GAL3ST4: variants seen among roughly 807,000 people sequenced by gnomAD.
GAL3ST4 encodes the protein beta-galactose-3-O-sulfotransferase 4.
A neutral mutation model predicts 31.6 loss-of-function variants in GAL3ST4; 30 were observed. The observed-to-expected ratio is 0.95, with a 90% CI of 0.71 to 1.29. The LOEUF (loss-of-function observed/expected upper bound fraction) is 1.29, where lower values mean the gene tolerates loss of function less well. Ranked by LOEUF, GAL3ST4 falls within the 50% of genes most tolerant of loss-of-function variation. The pLI, the probability that GAL3ST4 is intolerant of heterozygous loss-of-function variation, is 0.00. For synonymous variants in GAL3ST4, 248 were observed against 256.9 expected, an observed-to-expected ratio of 0.97 and a Z score of 0.33; for missense variants, 629 against 625.2, an observed-to-expected ratio of 1.01 and a Z score of -0.06.
intron 3 of GAL3ST4, among the ~76,000 whole-genome samples, chr7:100,166,203 G>A (rs1012221672): frequency 2.0e-5 from 3 of 152,198 alleles, no homozygotes; most frequent in Non-Finnish European, 4.4e-5. Context: ...AGGGGCACCT[G>A]GAGGGAGAGT....
At chr7:100,165,246 C>A (rs1043401650) in intron 3 of GAL3ST4, among the ~76,000 whole-genome samples, 2 of 152,108 alleles carry the variant, frequency 1.3e-5, no homozygotes, top group African/African-American at 4.8e-5. Context: ...TCTCGGCTCA[C>A]TGCAACCTCT....
chr7:100,160,191 G>T lies in GAL3ST4; in HGVS notation c.1198C>A (p.Arg400=). 2 of 1,614,098 alleles carry T rather than the reference G, an allele frequency of 1.2e-6. No homozygotes were observed. The highest frequency in any genetic ancestry group is 8.5e-7 in the Non-Finnish European group (1 of 1,180,010). Residue 400 remains arginine, a synonymous_variant, in exon 4 of 4, where the codon CGA becomes AGA. Coordinates refer to ENST00000360039, the MANE Select transcript of GAL3ST4 (RefSeq NM_024637.5). ...AGACAATGTTTCGCTAGGGCCTCTC[G>T]GCGAGCCCGGAGCTCGGCCACAGCT... ...QTAVAELRAR[R]EALAKHCLVG...
chr7:100,163,962 C>A (rs75700863), intron 3 of GAL3ST4, among the ~76,000 whole-genome samples: 6,792 of 152,276 alleles, frequency 0.045, 143 homozygotes, highest in Middle Eastern at 0.071. Flanking sequence ...GGTCTCAGAG[C>A]CATCATTCCT....
chr7:100,161,808 T>C (rs1174113308), intron 3 of GAL3ST4, among the ~76,000 whole-genome samples: 1 of 152,078 alleles, frequency 6.6e-6, no homozygotes, highest in African/African-American at 2.4e-5. Flanking sequence ...CTGGAAGCCA[T>C]CATCATGCTC....
rs764519681 is a variant in GAL3ST4, at chr7:100,160,406, A to C, written c.983T>G (p.Phe328Cys). 7 of 1,613,942 alleles carry C rather than the reference A, an allele frequency of 4.3e-6. No homozygotes were observed. In the East Asian group the frequency reaches 1.6e-4, roughly 36 times the overall value. The change falls in exon 4 of 4, where the codon TTC (phenylalanine) becomes TGC (cysteine). Residue 328 changes from phenylalanine (F) to cysteine (C), a missense_variant. Coordinates refer to ENST00000360039, the MANE Select transcript of GAL3ST4 (RefSeq NM_024637.5). ...LCWGLDDVVG[F>C]MHNAQAGHKQ... is the part of the protein sequence containing the mutation. ...ATGTCCAGCCTGGGCATTGTGCATG[A>C]AGCCCACCACGTCATCTAGACCCCA...
At chr7:100,165,853 A>T (rs1235173755) in intron 3 of GAL3ST4, among the ~76,000 whole-genome samples, 1 of 151,536 alleles carries the variant, frequency 6.6e-6, no homozygotes, top group Non-Finnish European at 1.5e-5. Context: ...ACACACACAC[A>T]CACACAGGCT....
chr7:100,161,853 T>C (rs1485660062), intron 3 of GAL3ST4, among the ~76,000 whole-genome samples: 1 of 151,458 alleles, frequency 6.6e-6, no homozygotes, highest in Non-Finnish European at 1.5e-5. Flanking sequence ...CTAACAAAAC[T>C]AACACAGGAA....
Position 100,166,650 on chromosome 7 carries a change from C to T in GAL3ST4, c.281G>A (p.Gly94Glu). ...SLLHRYGDQH[G>E]LRFALPARYQ... ...GCGGGCAGGGAGGGCGAAGCGCAGCCCGTGCTGGTCCCCATAGCGGTGAAG... is the reference window on the plus strand; with the variant it reads ...GCGGGCAGGGAGGGCGAAGCGCAGCTCGTGCTGGTCCCCATAGCGGTGAAG... Residue 94 changes from glycine to glutamate, a missense_variant, in exon 3 of 4, where the codon GGG becomes GAG. By Grantham distance (98) the Gly-to-Glu change is moderately conservative. Coordinates refer to ENST00000360039, the MANE Select transcript of GAL3ST4 (RefSeq NM_024637.5). The T allele has an allele frequency of 3.1e-6, 5 of 1,614,222 alleles. No homozygotes were observed. Among genetic ancestry groups the T allele is most frequent in the Non-Finnish European group, 4.2e-6 (5 of 1,180,040 alleles).
In GAL3ST4 at chr7:100,159,683, G is replaced by T. The variant is rs1798963017; in HGVS notation, c.*245C>A. 4.7e-6 allele frequency: 2 copies of T among 429,926 alleles called. No individual in the cohort carries two copies. The highest frequency in any genetic ancestry group is 8.3e-6 in the Non-Finnish European group (2 of 240,750). 26.6% of individuals were successfully genotyped at this position (429,926 alleles called of 1,614,324 possible). A position where few individuals can be genotyped will look rare whatever the true frequency, so the allele number is the denominator to read the frequency against. On this transcript the variant is annotated 3_prime_UTR_variant, in exon 4 of 4. Transcript: ENST00000360039. ...TGCAGTGAGCCGAGATCATGCCACT[G>T]CACTCCAGCCTGGGGGACAGAGCAA... is the stretch of plus-strand genomic sequence containing the variant.
intron 3 of GAL3ST4, among the ~76,000 whole-genome samples, chr7:100,164,601 G>A (rs537564503): frequency 6.6e-6 from 1 of 152,128 alleles, no homozygotes; most frequent in Non-Finnish European, 1.5e-5. Flanking sequence ...AGAGGTTGCA[G>A]TGAGCTGAGA....
chr7:100,164,742 ATTC>A (rs1418166720), intron 3 of GAL3ST4, among the ~76,000 whole-genome samples: 13 of 152,188 alleles, frequency 8.5e-5, no homozygotes, highest in African/African-American at 3.1e-4. Context: ...TTTGGTGAAT[ATTC>A]TTCTCACCAT....
chr7:100,164,814 C>G (rs554163406), intron 3 of GAL3ST4, among the ~76,000 whole-genome samples: 2 of 152,170 alleles, frequency 1.3e-5, no homozygotes, highest in Middle Eastern at 3.4e-3. Flanking sequence ...AGTGCATGGA[C>G]CTGGGCTCAA....
At chr7:100,162,894 G>GA (rs895823852) in intron 3 of GAL3ST4, among the ~76,000 whole-genome samples, 4 of 150,756 alleles carry the variant, frequency 2.7e-5, no homozygotes, top group East Asian at 1.9e-4. Flanking sequence ...AAAAGAAAAA[G>GA]AAAAAAAAAG....
At chr7:100,165,975 G>C (rs553125489) in intron 3 of GAL3ST4, among the ~76,000 whole-genome samples, 2 of 151,948 alleles carry the variant, frequency 1.3e-5, no homozygotes, top group Non-Finnish European at 2.9e-5. Flanking sequence ...AGATCAGCCT[G>C]GGCAACATAG....
intron 3 of GAL3ST4, among the ~76,000 whole-genome samples, chr7:100,164,545 G>T (rs916342447): frequency 2.7e-4 from 41 of 152,058 alleles, no homozygotes; most frequent in African/African-American, 9.9e-4. Context: ...GGTGCCTGTA[G>T]TCCCAGCTAC....
At chr7:100,166,369 C>A (rs924109510) in intron 3 of GAL3ST4, 133 bp downstream of exon 3, 72 of 945,764 alleles carry the variant, frequency 7.6e-5, no homozygotes, top group Non-Finnish European at 1.1e-4. Flanking sequence ...GGGAGCCCAA[C>A]TTTGTGGCCC....
rs772238951 is a variant in GAL3ST4, at chr7:100,160,565, C to G, written c.824G>C (p.Ser275Thr). ...TVTDHRSQIS[S>T]PASFDLGSSS... ...AGACCCCAAATCGAAAGAGGCAGGG[C>G]TTGATATCTGGCTGCGATGATCAGT... The change falls in exon 4 of 4, where the codon AGC (serine) becomes ACC (threonine). Residue 275 changes from serine (S) to threonine (T), a missense_variant. Transcript: ENST00000360039. The G allele has an allele frequency of 6.2e-7, 1 of 1,613,858 alleles. No individual in the cohort carries two copies. The highest frequency in any genetic ancestry group is 1.1e-5 in the South Asian group (1 of 91,084).
chr7:100,166,546 G>C lies in GAL3ST4; in HGVS notation c.385C>G (p.Pro129Ala), dbSNP rs1799076769. 1 of 1,614,024 alleles carries C rather than the reference G, an allele frequency of 6.2e-7. No individual in the cohort carries two copies. Among genetic ancestry groups the C allele is most frequent in the Non-Finnish European group, 8.5e-7 (1 of 1,180,008 alleles). Residue 129 changes from proline to alanine, a missense_variant, in exon 3 of 4, where the codon CCC becomes GCC. By Grantham distance (27) the Pro-to-Ala change is conservative (BLOSUM62 -1). Coordinates refer to ENST00000360039, the MANE Select transcript of GAL3ST4 (RefSeq NM_024637.5). ...ATGTGGTGACAGAGGATGTGGAAGG[G>C]GAGCTGGGTGCCTCCACCCTGTGGG... Reference protein sequence around the residue: ...YRPQGGGTQLPFHILCHHMRF... With the variant: ...YRPQGGGTQLAFHILCHHMRF...
Position 100,159,732 on chromosome 7 carries a change from A to AT in GAL3ST4, c.*195_*196insA. ...AAGACTCCGTTTCAAAAAAAAAAAA[A>AT]GTTGGGGGGAAAGAACAAAATGAGT... On this transcript the variant is annotated 3_prime_UTR_variant, in exon 4 of 4. Coordinates refer to ENST00000360039, the MANE Select transcript of GAL3ST4 (RefSeq NM_024637.5). 2 of 541,992 alleles carry AT rather than the reference A, an allele frequency of 3.7e-6. No homozygotes were observed. The highest frequency in any genetic ancestry group is 6.4e-6 in the Non-Finnish European group (2 of 310,450). 33.6% of individuals were successfully genotyped at this position (541,992 alleles called of 1,614,324 possible). A position where few individuals can be genotyped will look rare whatever the true frequency, so the allele number is the denominator to read the frequency against.
Sources: allele counts gnomAD v4.1 joint callset (sites outside exome capture counted in the v4.1 genomes callset), GRCh38; gene constraint gnomAD v4.1.1; transcripts MANE v1.5; gene names NCBI Gene and HGNC (gene_info 2026-07-23, HGNC 2026-07-21).